The following LRRC7 variants were observed in gnomAD, a reference collection of about 807,000 sequenced individuals.
The protein encoded by LRRC7 is leucine rich repeat containing 7.
LRRC7 carries 23 observed loss-of-function variants against 175.7 expected under a neutral mutation model. That is an observed-to-expected ratio of 0.13 (90% CI 0.09 to 0.19). The LOEUF (loss-of-function observed/expected upper bound fraction) is 0.19, where lower values mean the gene tolerates loss of function less well. Among genes scored for constraint, LRRC7 ranks in the 10% least tolerant of loss-of-function variants. The probability of loss-of-function intolerance (pLI) is 1.00; values close to 1 mark genes in which losing one functional copy is unlikely to be tolerated. For synonymous variants in LRRC7, 685 were observed against 680.9 expected (o/e 1.01, Z -0.09); for missense variants, 1,354 against 1,904.7 (o/e 0.71, Z 5.38).
chr1:69,752,707 C>T (rs1486356959), intron 2 of LRRC7, among the ~76,000 whole-genome samples: 2 of 152,092 alleles, frequency 1.3e-5, no homozygotes, highest in Non-Finnish European at 2.9e-5. Flanking sequence ...CTATTGACTG[C>T]ACACTGCAGT....
chr1:69,654,745 T>A lies in LRRC7; in HGVS notation c.3-23636T>A, dbSNP rs368965683. Among the ~76,000 whole-genome samples the A allele has an allele frequency of 2.1e-4, 32 of 152,258 alleles. No individual in the cohort carries two copies. In the South Asian group the frequency reaches 6.4e-3, roughly 31 times the overall value. ...CAAGGGAAGTTATACATATTATCTT[T>A]CTTCAAACAAGTGAGACAAAAGTTG... On this transcript the variant is annotated intron_variant, in intron 1 of 26. Transcript: ENST00000651989.
intron 22 of LRRC7, among the ~76,000 whole-genome samples, chr1:70,046,189 T>C (rs555091922): frequency 6.6e-6 from 1 of 152,128 alleles, no homozygotes. Context: ...ATATACAGTA[T>C]CTGAAAATGC....
chr1:69,635,463 A>C (rs982145220), intron 1 of LRRC7, among the ~76,000 whole-genome samples: 1 of 152,170 alleles, frequency 6.6e-6, no homozygotes, highest in African/African-American at 2.4e-5. Context: ...AAAATAGATA[A>C]TAGATAAGGT....
chr1:69,980,293 C>A, intron 8 of LRRC7, 86 bp from the exon 9 acceptor site: 1 of 1,143,526 alleles, frequency 8.7e-7, no homozygotes, highest in Non-Finnish European at 1.3e-6. Context: ...AGCTCAAGAT[C>A]CAAGAAATTA....
intron 7 of LRRC7, among the ~76,000 whole-genome samples, chr1:69,896,114 G>T (rs1171553030): frequency 6.6e-6 from 1 of 151,844 alleles, no homozygotes; most frequent in South Asian, 2.1e-4. Flanking sequence ...CCTGAAGGGG[G>T]GCTGCTTTTG....
At chr1:70,026,815 A>G (rs1239451460) in intron 17 of LRRC7, among the ~76,000 whole-genome samples, 1 of 152,174 alleles carries the variant, frequency 6.6e-6, no homozygotes, top group Non-Finnish European at 1.5e-5. Context: ...GTTAGAAGTC[A>G]TCTAGTGAAG....
chr1:69,622,637 A>G (rs1174285418), intron 1 of LRRC7, among the ~76,000 whole-genome samples: 12 of 152,210 alleles, frequency 7.9e-5, no homozygotes, highest in African/African-American at 2.9e-4. Flanking sequence ...CTGGAGAACT[A>G]TATAGAAACT....
intron 4 of LRRC7, among the ~76,000 whole-genome samples, chr1:69,803,487 C>T (rs1218058229): frequency 6.6e-6 from 1 of 151,272 alleles, no homozygotes; most frequent in Non-Finnish European, 1.5e-5. Flanking sequence ...TGTTTAAGTA[C>T]TTTAAGTTGT....
chr1:70,143,801 TTGAGA>T lies in LRRC7; in HGVS notation c.*21916_*21920del, dbSNP rs1173193332. Reference sequence around the variant, plus strand: ...AAATGGCTGTATTGTAATTAATATTTTGAGATAATTGTGATTTTGAGCTTAAATTA... The same window carrying T: ...AAATGGCTGTATTGTAATTAATATTTTAATTGTGATTTTGAGCTTAAATTA... On this transcript the variant is annotated 3_prime_UTR_variant, in exon 27 of 27. Transcript: ENST00000651989. 1.3e-5 allele frequency: 2 copies of T among 152,176 alleles called. No homozygotes were observed. Among genetic ancestry groups the T allele is most frequent in the African/African-American group, 4.8e-5 (2 of 41,444 alleles). 9.4% of individuals were successfully genotyped at this position (152,176 alleles called of 1,614,324 possible).
intron 7 of LRRC7, among the ~76,000 whole-genome samples, chr1:69,898,251 G>A (rs1646034349): frequency 6.6e-6 from 1 of 152,152 alleles, no homozygotes; most frequent in African/African-American, 2.4e-5. Context: ...AAATTGGAAA[G>A]GCACATGGTA....
Position 70,129,968 on chromosome 1 carries a change from T to G in LRRC7, c.*8081T>G, listed in dbSNP as rs11209590. ...TGCCCACACTATCCCTCTACTGGAA[T>G]GCCTTCCTCTCCCTATTCCCTTTCT... is the stretch of plus-strand genomic sequence containing the variant. On this transcript the variant is annotated 3_prime_UTR_variant, in exon 27 of 27. Coordinates refer to ENST00000651989, the MANE Select transcript of LRRC7 (RefSeq NM_001370785.2). 0.019 allele frequency among the ~76,000 whole-genome samples: 2,937 copies of G among 152,296 alleles called. 95 individuals are homozygous for G. The highest frequency in any genetic ancestry group is 0.066 in the African/African-American group (2,760 of 41,538).
chr1:69,610,010 A>G (rs1028249129), intron 1 of LRRC7, among the ~76,000 whole-genome samples: 6 of 152,052 alleles, frequency 3.9e-5, no homozygotes, highest in African/African-American at 9.7e-5. Flanking sequence ...TGTTTCACCT[A>G]TGTTGGTATT....
At chr1:70,012,436 A>G (rs1468515843) in intron 12 of LRRC7, among the ~76,000 whole-genome samples, 1 of 151,902 alleles carries the variant, frequency 6.6e-6, no homozygotes, top group African/African-American at 2.4e-5. Context: ...TTGGTGCTCA[A>G]GTTTGCTGTA....
chr1:69,778,895 C>CAT (rs954514933), intron 3 of LRRC7, among the ~76,000 whole-genome samples: 51 of 150,230 alleles, frequency 3.4e-4, no homozygotes, highest in African/African-American at 1.0e-3. Flanking sequence ...CACACACACA[C>CAT]ATATATATAT....
chr1:70,097,779 A>G (rs1233381405), intron 25 of LRRC7, among the ~76,000 whole-genome samples: 2 of 151,574 alleles, frequency 1.3e-5, no homozygotes, highest in Admixed American at 6.6e-5. Context: ...TGTCCCTACA[A>G]AGGACATGAA....
intron 2 of LRRC7, among the ~76,000 whole-genome samples, chr1:69,733,127 T>G (rs1245885579): frequency 2.0e-5 from 3 of 152,066 alleles, no homozygotes; most frequent in Admixed American, 6.6e-5. Flanking sequence ...GTGCTCTATT[T>G]ATAAATGAGG....
chr1:69,605,951 G>A (rs1024083010), intron 1 of LRRC7, among the ~76,000 whole-genome samples: 5 of 152,090 alleles, frequency 3.3e-5, no homozygotes, highest in Non-Finnish European at 5.9e-5. Flanking sequence ...GAAAGTTAGA[G>A]TAATATTATC....
At chr1:69,895,272 T>G (rs1293997512) in intron 7 of LRRC7, among the ~76,000 whole-genome samples, 1 of 152,004 alleles carries the variant, frequency 6.6e-6, no homozygotes, top group East Asian at 1.9e-4. Flanking sequence ...TCACGTTGAG[T>G]GTTCTTACTA....
chr1:69,820,417 A>T (rs1048512037), intron 4 of LRRC7, among the ~76,000 whole-genome samples: 2 of 152,140 alleles, frequency 1.3e-5, no homozygotes, highest in Non-Finnish European at 2.9e-5. Context: ...TGTACAGAAC[A>T]TGCAGGTTTG....
Sources: allele counts gnomAD v4.1 joint callset (sites outside exome capture counted in the v4.1 genomes callset), GRCh38; gene constraint gnomAD v4.1.1; transcripts MANE v1.5; gene names NCBI Gene and HGNC (gene_info 2026-07-23, HGNC 2026-07-21).